USP3: variants seen among roughly 807,000 people sequenced by gnomAD.
The protein encoded by USP3 is ubiquitin carboxyl-terminal hydrolase 3.
In USP3, 20 loss-of-function variants were observed where a neutral mutation model predicts 72.3. The observed-to-expected ratio is 0.28, with a 90% CI of 0.19 to 0.40. USP3 has a LOEUF of 0.40. Among genes scored for constraint, USP3 ranks in the 10% least tolerant of loss-of-function variants. The probability of loss-of-function intolerance (pLI) is 1.00; values close to 1 mark genes in which losing one functional copy is unlikely to be tolerated. For synonymous variants in USP3, 222 were observed against 225.3 expected (o/e 0.99, Z 0.13); for missense variants, 479 against 633.9 (o/e 0.76, Z 2.62).
At chr15:63,560,853 G>A (rs62012767) in intron 7 of USP3, among the ~76,000 whole-genome samples, 35,712 of 151,970 alleles carry the variant, frequency 0.23, 4,798 homozygotes, top group Middle Eastern at 0.33. Context: ...ACTGTGACTC[G>A]TACTCCTTAT....
intron 2 of USP3, among the ~76,000 whole-genome samples, chr15:63,535,609 TAC>T (rs2066143669): frequency 6.6e-6 from 1 of 152,170 alleles, no homozygotes; most frequent in African/African-American, 2.4e-5. Context: ...TTCATTTTAG[TAC>T]AGTTTTATGA....
intron 14 of USP3, 79 bp downstream of exon 14, chr15:63,589,090 G>A: frequency 2.7e-6 from 4 of 1,504,706 alleles, no homozygotes; most frequent in Non-Finnish European, 1.8e-6. Context: ...TACCACTCTT[G>A]CTAGTTCTTC....
At chr15:63,567,941 C>T (rs557147381) in intron 8 of USP3, among the ~76,000 whole-genome samples, 1 of 152,300 alleles carries the variant, frequency 6.6e-6, no homozygotes, top group East Asian at 1.9e-4. Flanking sequence ...TCTAGGCTTT[C>T]TGTGTTTGCA....
At position 63,562,249 on chromosome 15, in the gene USP3, G is replaced by C. The variant is rs115850729; in HGVS notation, c.648-646G>C. Among the ~76,000 whole-genome samples the C allele has an allele frequency of 9.8e-3, 1,486 of 152,274 alleles. 20 individuals carry two copies. The highest frequency in any genetic ancestry group is 0.034 in the African/African-American group (1,415 of 41,538). Reference sequence around the variant, plus strand: ...TTATATGCCCAGGAAAAAAATGAGCGTTCTATTCATATGCGAGAAGAGTGT... The same window carrying C: ...TTATATGCCCAGGAAAAAAATGAGCCTTCTATTCATATGCGAGAAGAGTGT... On this transcript the variant is annotated intron_variant, in intron 7 of 14. Coordinates refer to ENST00000380324, the MANE Select transcript of USP3 (RefSeq NM_006537.4).
At chr15:63,533,984 A>C in intron 2 of USP3, 1 of 590,864 alleles carries the variant, frequency 1.7e-6, no homozygotes, top group Non-Finnish European at 2.2e-6. Context: ...GTGCTCTACA[A>C]CCTAAATCTT....
intron 3 of USP3, among the ~76,000 whole-genome samples, chr15:63,545,467 T>A (rs917924696): frequency 2.0e-5 from 3 of 152,222 alleles, no homozygotes; most frequent in African/African-American, 4.8e-5. Context: ...ATAATGTTAC[T>A]TGTCTGTCTT....
rs1197217914 is a variant in USP3 at position 63,588,973 on chromosome 15, G to C, written c.1359G>C (p.Leu453=). The C allele has an allele frequency of 1.2e-6, 2 of 1,614,032 alleles. No homozygotes were observed. The highest frequency in any genetic ancestry group is 1.1e-5 in the South Asian group (1 of 91,074). ...AGAACAGTGGCCCGGAGAGCTGCCTGTATGACCTCGCCGCTGTGGTGGTGC... is the reference window on the plus strand; with the variant it reads ...AGAACAGTGGCCCGGAGAGCTGCCTCTATGACCTCGCCGCTGTGGTGGTGC... ...EPENSGPESC[L]YDLAAVVVHH... The change falls in exon 14 of 15, where the codon CTG becomes CTC. Residue 453 remains leucine (L), a synonymous_variant. Coordinates refer to ENST00000380324, the MANE Select transcript of USP3 (RefSeq NM_006537.4). This position sits in a 1 kb window ranked among gnomAD's most constrained non-coding sequence, Gnocchi z 4.6.
At chr15:63,506,577 G>T (rs963924381) in intron 1 of USP3, among the ~76,000 whole-genome samples, 5 of 152,208 alleles carry the variant, frequency 3.3e-5, no homozygotes, top group African/African-American at 1.2e-4. Flanking sequence ...TGTGCAAGTG[G>T]CAGATGCCCT....
chr15:63,557,642 A>G (rs1230930885), intron 5 of USP3, among the ~76,000 whole-genome samples: 2 of 152,192 alleles, frequency 1.3e-5, no homozygotes, highest in Non-Finnish European at 2.9e-5. Flanking sequence ...CAGCTTTTCA[A>G]GATTCATATC....
At chr15:63,551,470 G>A (rs2066435713) in intron 3 of USP3, 1 of 151,706 alleles carries the variant, frequency 6.6e-6, no homozygotes, top group African/African-American at 2.4e-5. Context: ...CATAACTCAT[G>A]GTATCTGCAT....
At chr15:63,506,110 A>G (rs1299852356) in intron 1 of USP3, among the ~76,000 whole-genome samples, 1 of 152,222 alleles carries the variant, frequency 6.6e-6, no homozygotes, top group African/African-American at 2.4e-5. Flanking sequence ...AAAGTCAGGT[A>G]TCTTTTTCTG....
intron 2 of USP3, among the ~76,000 whole-genome samples, chr15:63,536,663 A>G (rs757642745): frequency 3.3e-5 from 5 of 151,814 alleles, no homozygotes; most frequent in Non-Finnish European, 7.4e-5. Flanking sequence ...CCTGGCTAAC[A>G]TGATGAAATC....
chr15:63,545,467 T>C (rs917924696), intron 3 of USP3, among the ~76,000 whole-genome samples: 1 of 152,222 alleles, frequency 6.6e-6, no homozygotes, highest in Non-Finnish European at 1.5e-5. Flanking sequence ...ATAATGTTAC[T>C]TGTCTGTCTT....
At chr15:63,525,512 AG>A (rs1480636987) in intron 1 of USP3, among the ~76,000 whole-genome samples, 1 of 152,192 alleles carries the variant, frequency 6.6e-6, no homozygotes, top group African/African-American at 2.4e-5. Context: ...GCACCTTGGC[AG>A]TTGCTTCATG....
At chr15:63,535,952 A>T (rs1007571868) in intron 2 of USP3, among the ~76,000 whole-genome samples, 7 of 152,188 alleles carry the variant, frequency 4.6e-5, no homozygotes, top group African/African-American at 1.7e-4. Context: ...CTTTCTAGGA[A>T]CTGGGAAATG....
chr15:63,541,843 GA>G (rs2066249848), intron 3 of USP3, among the ~76,000 whole-genome samples: 1 of 152,078 alleles, frequency 6.6e-6, no homozygotes, highest in East Asian at 1.9e-4. Context: ...AGAAGTGAAT[GA>G]AAAGGAGCTG....
intron 1 of USP3, among the ~76,000 whole-genome samples, chr15:63,519,488 T>G (rs1428810526): frequency 6.6e-6 from 1 of 152,210 alleles, no homozygotes; most frequent in Non-Finnish European, 1.5e-5. Flanking sequence ...ACAAAAGTAA[T>G]GTTGTGTCTT....
At chr15:63,547,774 G>T (rs1595735659) in intron 3 of USP3, among the ~76,000 whole-genome samples, 1 of 26,856 alleles carries the variant, frequency 3.7e-5, no homozygotes, top group African/African-American at 1.9e-4. Context: ...GAGAGAGAGA[G>T]AGAGAGAGAG....
At chr15:63,526,357 C>T (rs969164324) in intron 1 of USP3, among the ~76,000 whole-genome samples, 1 of 152,164 alleles carries the variant, frequency 6.6e-6, no homozygotes, top group Non-Finnish European at 1.5e-5. Context: ...TAGCAAGTTA[C>T]AGTACTGCTC....
Sources: gnomAD v4.1 joint callset for allele counts (sites outside exome capture counted in the v4.1 genomes callset) on GRCh38, gnomAD v4.1.1 for gene constraint, Gnocchi (gnomAD v3.1) non-coding constraint, MANE v1.5 for transcripts, NCBI Gene and HGNC (gene_info 2026-07-23, HGNC 2026-07-21) for gene names.